Variants in ANO3 observed in about 807,000 individuals in gnomAD.
ANO3 encodes the protein anoctamin 3.
ANO3 carries 99 observed loss-of-function variants against 144.8 expected under a neutral mutation model. The ratio of observed to expected loss-of-function variants is 0.68; its 90% CI spans 0.58 to 0.81. ANO3 has a LOEUF of 0.81. ANO3 is among the 30% of genes least tolerant of loss of function. The pLI is 0.00. For synonymous variants in ANO3, 414 were observed against 392.6 expected, an observed-to-expected ratio of 1.05 and a Z score of -0.64; for missense variants, 905 against 1,202.2, an observed-to-expected ratio of 0.75 and a Z score of 3.66.
At chr11:26,506,761 C>T (rs952226867) in intron 4 of ANO3, among the ~76,000 whole-genome samples, 4 of 152,200 alleles carry the variant, frequency 2.6e-5, no homozygotes, top group African/African-American at 9.6e-5. Context: ...CTCAGGCAAC[C>T]TAACCTGTTG....
intron 1 of ANO3, among the ~76,000 whole-genome samples, chr11:26,238,479 T>A (rs139064814): frequency 1.7e-4 from 26 of 152,188 alleles, no homozygotes; most frequent in African/African-American, 6.3e-4. Context: ...AAATTTACAG[T>A]TTACCCCAAA....
At chr11:26,551,414 C>T (rs917819405) in intron 12 of ANO3, among the ~76,000 whole-genome samples, 16 of 151,942 alleles carry the variant, frequency 1.1e-4, no homozygotes, top group Admixed American at 8.5e-4. Flanking sequence ...GTCAAAGAAA[C>T]TTGTGATACT....
At chr11:26,225,840 C>CGAA (rs1852246202) in intron 1 of ANO3, among the ~76,000 whole-genome samples, 1 of 152,126 alleles carries the variant, frequency 6.6e-6, no homozygotes, top group Non-Finnish European at 1.5e-5. Context: ...CACAATCTCT[C>CGAA]TATTTGTACT....
intron 14 of ANO3, chr11:26,572,279 T>TGAAGGGGAATATCA: frequency 1.0e-6 from 1 of 978,002 alleles, no homozygotes; most frequent in South Asian, 4.7e-5. Context: ...ATCACCTCAT[T>TGAAGGGGAATATCA]CAGGCCTTTA....
At chr11:26,453,546 T>C (rs1264994649) in intron 3 of ANO3, among the ~76,000 whole-genome samples, 1 of 152,088 alleles carries the variant, frequency 6.6e-6, no homozygotes, top group African/African-American at 2.4e-5. Context: ...TAAATATATA[T>C]GCACCCAATA....
chr11:26,469,197 G>A (rs930395401), intron 4 of ANO3, among the ~76,000 whole-genome samples: 8 of 151,902 alleles, frequency 5.3e-5, no homozygotes, highest in Admixed American at 4.6e-4. Flanking sequence ...ACCTCTCTAA[G>A]TAAATGGTGA....
intron 18 of ANO3, among the ~76,000 whole-genome samples, chr11:26,627,898 T>A (rs1852645677): frequency 6.6e-6 from 1 of 151,732 alleles, no homozygotes; most frequent in African/African-American, 2.4e-5. Context: ...TGCGCTAATT[T>A]GTGCTTCAAA....
chr11:26,463,510 T>C (rs1018994423), intron 4 of ANO3, among the ~76,000 whole-genome samples: 3 of 151,868 alleles, frequency 2.0e-5, no homozygotes, highest in Non-Finnish European at 4.4e-5. Context: ...CCAGTTGTAA[T>C]AACTTGATAA....
At position 26,457,570 on chromosome 11, in the gene ANO3, G is replaced by C. The variant is rs149874321; in HGVS notation, c.314-5460G>C. ...TTTGAGTAACTGTGTATAGATTCTTGCATTTAATCCTTGGAAATATTCTAT... is the reference window on the plus strand; with the variant it reads ...TTTGAGTAACTGTGTATAGATTCTTCCATTTAATCCTTGGAAATATTCTAT... On this transcript the variant is annotated intron_variant, in intron 3 of 26. Coordinates refer to ENST00000256737, the MANE Select transcript of ANO3 (RefSeq NM_031418.4). Among the ~76,000 whole-genome samples, 26 of 152,112 alleles carry C rather than the reference G, an allele frequency of 1.7e-4. No homozygotes were observed. The East Asian group carries it at 5.0e-3, about 29-fold the overall frequency.
exon 1 of ANO3, chr11:26,309,659 T>C (rs1854462700): frequency 1.0e-6 from 1 of 985,316 alleles, no homozygotes; most frequent in Admixed American, 6.2e-5. Context: ...GCAAAAGTTG[T>C]GCTTTTCTCA....
chr11:26,346,412 A>G (rs1855496503), intron 1 of ANO3, among the ~76,000 whole-genome samples: 1 of 152,216 alleles, frequency 6.6e-6, no homozygotes, highest in Non-Finnish European at 1.5e-5. Flanking sequence ...GCTATATCTC[A>G]CTTTTTATAG....
intron 1 of ANO3, among the ~76,000 whole-genome samples, chr11:26,296,734 A>C (rs1854098108): frequency 6.6e-6 from 1 of 152,114 alleles, no homozygotes; most frequent in Non-Finnish European, 1.5e-5. Flanking sequence ...TTTGAAAAGC[A>C]CTCACCTTTC....
intron 1 of ANO3, among the ~76,000 whole-genome samples, chr11:26,430,406 G>GA (rs1489135141): frequency 1.3e-5 from 2 of 151,910 alleles, no homozygotes; most frequent in African/African-American, 4.8e-5. Flanking sequence ...ACTCTTATTT[G>GA]AAAAAAGAAA....
chr11:26,262,307 C>T (rs1853208783), intron 1 of ANO3, among the ~76,000 whole-genome samples: 1 of 152,092 alleles, frequency 6.6e-6, no homozygotes, highest in African/African-American at 2.4e-5. Flanking sequence ...CAATACTCTT[C>T]TTCATCTAGT....
intron 1 of ANO3, among the ~76,000 whole-genome samples, chr11:26,294,347 A>T (rs1378512889): frequency 6.6e-6 from 1 of 152,130 alleles, no homozygotes; most frequent in African/African-American, 2.4e-5. Context: ...TTTCTATATT[A>T]TGATATCACA....
At chr11:26,564,506 AT>A (rs549283317) in intron 14 of ANO3, among the ~76,000 whole-genome samples, 52 of 149,798 alleles carry the variant, frequency 3.5e-4, no homozygotes, top group African/African-American at 8.1e-4. Flanking sequence ...AAACTTAGTT[AT>A]TTTTTTTCAT....
Position 26,515,740 on chromosome 11 carries a change from G to A in ANO3, c.592-1087G>A, listed in dbSNP as rs886418339. ...AAATTACATCTAATGGAAATATAAT[G>A]AACAGTGTTAATCAAATGGAGCTCA... is the stretch of plus-strand genomic sequence containing the variant. On this transcript the variant is annotated intron_variant, in intron 5 of 26. Coordinates refer to ENST00000256737, the MANE Select transcript of ANO3 (RefSeq NM_031418.4). 2.0e-5 allele frequency among the ~76,000 whole-genome samples: 3 copies of A among 151,910 alleles called. No individual in the cohort carries two copies. The South Asian group carries it at 6.2e-4, about 31-fold the overall frequency.
chr11:26,200,173 G>C (rs1482409424), intron 1 of ANO3, among the ~76,000 whole-genome samples: 1 of 152,272 alleles, frequency 6.6e-6, no homozygotes, highest in East Asian at 1.9e-4. Flanking sequence ...CTGTAATGTT[G>C]GAGCATAAAT....
Position 26,516,895 on chromosome 11 carries a change from T to C in ANO3, c.660T>C (p.Tyr220=). 7 of 1,610,862 alleles carry C rather than the reference T, an allele frequency of 4.3e-6. No individual in the cohort carries two copies. Among genetic ancestry groups the C allele is most frequent in the Non-Finnish European group, 5.9e-6 (7 of 1,177,732 alleles). Residue 220 remains tyrosine (Y), a synonymous_variant, in exon 6 of 27, where the codon TAT becomes TAC. Transcript: ENST00000256737. ...IHIPWDTLCK[Y]AERLNIRMPF... ...TTCCATGGGACACGCTGTGCAAGTA[T>C]GCAGAGAGGCTGAATATCAGGATGC...
Sources: allele counts gnomAD v4.1 joint callset (sites outside exome capture counted in the v4.1 genomes callset), GRCh38; gene constraint gnomAD v4.1.1; transcripts MANE v1.5; gene names NCBI Gene and HGNC (gene_info 2026-07-23, HGNC 2026-07-21).